XYLT1: variants seen among roughly 807,000 people sequenced by gnomAD.
XYLT1 encodes the protein xylosyltransferase 1.
In XYLT1, 36 loss-of-function variants were observed where a neutral mutation model predicts 91.3. That is an observed-to-expected ratio of 0.39 (90% CI 0.30 to 0.52). XYLT1 has a LOEUF of 0.52. Among genes scored for constraint, XYLT1 ranks in the 20% least tolerant of loss-of-function variants. The pLI is 0.68. For missense variants in XYLT1, 1,242 were observed against 1,284.5 expected (o/e 0.97, Z 0.51); for synonymous variants, 588 against 532.0 (o/e 1.11, Z -1.45).
At chr16:17,300,697 T>A (rs762001186) in intron 2 of XYLT1, among the ~76,000 whole-genome samples, 2 of 151,924 alleles carry the variant, frequency 1.3e-5, no homozygotes, top group Admixed American at 1.3e-4. Context: ...TGGGCTCAGA[T>A]GACTGCCCAC....
chr16:17,422,173 G>A (rs1046806727), intron 1 of XYLT1, among the ~76,000 whole-genome samples: 10 of 151,450 alleles, frequency 6.6e-5, no homozygotes, highest in African/African-American at 1.7e-4. Flanking sequence ...TAGTAGAGAC[G>A]GGGTTTCACC....
intron 2 of XYLT1, among the ~76,000 whole-genome samples, chr16:17,288,100 T>C (rs575655483): frequency 1.3e-5 from 2 of 151,684 alleles, no homozygotes; most frequent in African/African-American, 4.8e-5. Context: ...ATTTATTTAT[T>C]TATTTGTAGT....
chr16:17,232,609 T>C (rs1178243482), intron 3 of XYLT1, among the ~76,000 whole-genome samples: 1 of 151,616 alleles, frequency 6.6e-6, no homozygotes, highest in Non-Finnish European at 1.5e-5. Context: ...GTGGAGGTGA[T>C]GGTGATAGCT....
chr16:17,299,427 T>C (rs1184752269), intron 2 of XYLT1, among the ~76,000 whole-genome samples: 1 of 152,222 alleles, frequency 6.6e-6, no homozygotes, highest in African/African-American at 2.4e-5. Context: ...GTTAACCCGC[T>C]CTTCCTCAAG....
At chr16:17,201,707 C>T (rs1393775085) in intron 3 of XYLT1, among the ~76,000 whole-genome samples, 3 of 152,040 alleles carry the variant, frequency 2.0e-5, no homozygotes, top group Non-Finnish European at 4.4e-5. Flanking sequence ...AACTCCTGAC[C>T]TCAGGTGATC....
intron 2 of XYLT1, among the ~76,000 whole-genome samples, chr16:17,345,160 A>C (rs984949574): frequency 1.3e-5 from 2 of 152,200 alleles, no homozygotes; most frequent in African/African-American, 4.8e-5. Flanking sequence ...TGCTACTCTG[A>C]CCACTCGTCA....
intron 10 of XYLT1, among the ~76,000 whole-genome samples, chr16:17,119,467 G>C (rs879348057): frequency 6.6e-6 from 1 of 152,216 alleles, no homozygotes; most frequent in Non-Finnish European, 1.5e-5. Flanking sequence ...GTGTGTGCAC[G>C]AAGGTCGGGT....
chr16:17,140,992 A>T (rs1055986921), intron 7 of XYLT1, among the ~76,000 whole-genome samples, 161 bp downstream of exon 7: 3 of 152,172 alleles, frequency 2.0e-5, no homozygotes, highest in African/African-American at 7.2e-5. Context: ...TGCAGACTGG[A>T]GGGAGACCAG....
At chr16:17,257,936 C>G (rs1482460248) in intron 3 of XYLT1, among the ~76,000 whole-genome samples, 1 of 152,124 alleles carries the variant, frequency 6.6e-6, no homozygotes, top group East Asian at 1.9e-4. Flanking sequence ...AAATCACTAC[C>G]AAGAAATACA....
intron 1 of XYLT1, among the ~76,000 whole-genome samples, chr16:17,390,587 C>T (rs72781597): frequency 0.043 from 6,623 of 152,358 alleles, 210 homozygotes; most frequent in Middle Eastern, 0.088. Flanking sequence ...CAACCCCCAT[C>T]TTGCCTTTAC....
intron 9 of XYLT1, among the ~76,000 whole-genome samples, chr16:17,131,384 T>C (rs1479675580): frequency 6.6e-6 from 1 of 152,184 alleles, no homozygotes; most frequent in Non-Finnish European, 1.5e-5. Flanking sequence ...CCAAAGCTGT[T>C]TTTCTTTCTT....
intron 1 of XYLT1, among the ~76,000 whole-genome samples, chr16:17,433,951 T>G (rs946484802): frequency 6.7e-6 from 1 of 148,632 alleles, no homozygotes; most frequent in Non-Finnish European, 1.5e-5. Context: ...GCAAACTACA[T>G]CTTAGCTCTG....
At chr16:17,191,984 G>A (rs1352583518) in intron 5 of XYLT1, among the ~76,000 whole-genome samples, 4 of 152,034 alleles carry the variant, frequency 2.6e-5, no homozygotes, top group African/African-American at 4.8e-5. Flanking sequence ...TGTGAACCCC[G>A]GGAGGGGCCA....
intron 5 of XYLT1, among the ~76,000 whole-genome samples, chr16:17,172,762 C>T (rs149386552): frequency 2.0e-3 from 308 of 152,272 alleles, no homozygotes; most frequent in African/African-American, 7.0e-3. Context: ...CGTGAGCCAC[C>T]GCACCTGGCC....
intron 6 of XYLT1, among the ~76,000 whole-genome samples, chr16:17,152,920 T>A (rs1401735407): frequency 1.3e-5 from 2 of 152,220 alleles, no homozygotes; most frequent in African/African-American, 2.4e-5. Flanking sequence ...TTTTATAAAT[T>A]GTTGTCGATA....
chr16:17,133,559 G>A (rs1329531354), intron 9 of XYLT1, among the ~76,000 whole-genome samples: 1 of 152,168 alleles, frequency 6.6e-6, no homozygotes, highest in Non-Finnish European at 1.5e-5. Context: ...TATCATTGCG[G>A]AAGCTACTGA....
chr16:17,470,548 G>C lies in XYLT1; in HGVS notation c.249C>G (p.Gly83=). Residue 83 remains glycine (G), a synonymous_variant, in exon 1 of 12, where the codon GGC becomes GGG. Transcript: ENST00000261381. ...EPAAARGGGG[G]GGGGGGGRGP... ...CCCGTCCTCCTCCTCCTCCGCCGCC[G>C]CCTCCTCCTCCTCCTCGGGCTGCAG... 1 of 1,219,892 alleles carries C rather than the reference G, an allele frequency of 8.2e-7. No homozygotes were observed. Among genetic ancestry groups the C allele is most frequent in the African/African-American group, 1.6e-5 (1 of 63,664 alleles). 75.6% of individuals were successfully genotyped at this position (1,219,892 alleles called of 1,614,324 possible).
At chr16:17,246,813 G>C (rs1315998687) in intron 3 of XYLT1, among the ~76,000 whole-genome samples, 1 of 152,132 alleles carries the variant, frequency 6.6e-6, no homozygotes, top group African/African-American at 2.4e-5. Flanking sequence ...CTCACCTAAG[G>C]GTCCCCAACA....
chr16:17,309,943 C>G (rs2034520341), intron 2 of XYLT1, among the ~76,000 whole-genome samples: 5 of 152,006 alleles, frequency 3.3e-5, no homozygotes, highest in Admixed American at 3.3e-4. Flanking sequence ...GCCCCAGGGG[C>G]CAGGGGTGGC....
Sources: allele counts gnomAD v4.1 joint callset (sites outside exome capture counted in the v4.1 genomes callset), GRCh38; gene constraint gnomAD v4.1.1; transcripts MANE v1.5; gene names NCBI Gene and HGNC (gene_info 2026-07-23, HGNC 2026-07-21).